The following C17orf99 variants were observed in gnomAD, a reference collection of about 807,000 sequenced individuals.
C17orf99 encodes the protein chromosome 17 open reading frame 99, also known as protein IL-40.
Under a neutral mutation model 22.6 loss-of-function variants are expected in C17orf99, and 18 were observed. That is an observed-to-expected ratio of 0.80 (90% CI 0.55 to 1.18). The LOEUF (loss-of-function observed/expected upper bound fraction) is 1.18. Among genes scored for constraint, C17orf99 ranks in the 50% most tolerant of loss-of-function variants. The pLI, the probability that C17orf99 is intolerant of heterozygous loss-of-function variation, is 0.00. For missense variants in C17orf99, 328 were observed against 342.7 expected (o/e 0.96, Z 0.34); for synonymous variants, 147 against 136.6 (o/e 1.08, Z -0.53).
intron 2 of C17orf99, chr17:78,157,324 T>TCAA (rs1211593747): frequency 3.6e-5 from 21 of 582,260 alleles, no homozygotes; most frequent in East Asian, 1.8e-4. Context: ...AGACCTGTGT[T>TCAA]CAGCAGCGGC....
In C17orf99 at chr17:78,161,177, A is replaced by G; in HGVS notation, c.293A>G (p.Tyr98Cys). 6.4e-7 allele frequency: 1 copy of G among 1,551,636 alleles called. No homozygotes were observed. The highest frequency in any genetic ancestry group is 8.7e-7 in the Non-Finnish European group (1 of 1,146,940). The stretch of plus-strand genomic sequence containing the variant: ...AAGTCCAGTCCAGACCTGCTCACCT[A>G]CTTCTGCTGGGCGTCCTCCACCTCA... ...TLKSSPDLLT[Y>C]FCWASSTSGA... The change falls in exon 3 of 5, where the codon TAC (tyrosine) becomes TGC (cysteine). Residue 98 changes from tyrosine (Y) to cysteine (C), a missense_variant. Tyr to Cys is a radical substitution (Grantham distance 194, BLOSUM62 -2). Transcript: ENST00000340363.
intron 2 of C17orf99, chr17:78,158,453 C>G (rs933978791): frequency 2.5e-5 from 5 of 201,772 alleles, no homozygotes; most frequent in African/African-American, 9.3e-5. Context: ...CACTGCCACG[C>G]CCGGCTAATT....
chr17:78,146,287 TC>T, upstream of C17orf99: 2 of 865,198 alleles, frequency 2.3e-6, no homozygotes, highest in Non-Finnish European at 3.5e-6. The surrounding 1 kb of genome is among the most constrained non-coding windows in gnomAD (Gnocchi z 5.2). Flanking sequence ...TGCTGCGGCC[TC>T]CAGGTTATCT....
At chr17:78,151,812 T>C (rs972866918) in intron 2 of C17orf99, among the ~76,000 whole-genome samples, 3 of 152,182 alleles carry the variant, frequency 2.0e-5, no homozygotes, top group Non-Finnish European at 4.4e-5. Context: ...TTGGAGGACA[T>C]AATTCAACCC....
intron 2 of C17orf99, among the ~76,000 whole-genome samples, chr17:78,156,802 T>A (rs2075528694): frequency 1.3e-5 from 2 of 151,936 alleles, no homozygotes; most frequent in African/African-American, 4.8e-5. Context: ...TTATTTATTT[T>A]TAGAGTAGTT....
chr17:78,164,333 C>T lies in C17orf99; in HGVS notation c.609C>T (p.Val203=), dbSNP rs2075601403. Residue 203 remains valine, a synonymous_variant, in exon 4 of 5, where the codon GTC becomes GTT. Transcript: ENST00000340363. ...GCCAGGCTGCAAACAACGCCAATGT[C>T]CAGCACAGCGCCCTCACAGTGGTGC... ...FWCQAANNAN[V]QHSALTVVPP... 1 of 1,551,570 alleles carries T rather than the reference C, an allele frequency of 6.4e-7. No individual in the cohort carries two copies. The highest frequency in any genetic ancestry group is 8.7e-7 in the Non-Finnish European group (1 of 1,147,002).
intron 2 of C17orf99, among the ~76,000 whole-genome samples, chr17:78,151,700 G>C (rs538553933): frequency 6.6e-6 from 1 of 152,280 alleles, no homozygotes; most frequent in Non-Finnish European, 1.5e-5. Flanking sequence ...AATTACTGGA[G>C]TTAATATTTA....
intron 2 of C17orf99, among the ~76,000 whole-genome samples, chr17:78,160,547 A>AAAAG (rs200813163): frequency 0.16 from 22,482 of 142,734 alleles, 2,198 homozygotes; most frequent in East Asian, 0.43. Context: ...AAAAAAAAAA[A>AAAAG]AGAGAGAGAG....
At chr17:78,157,334 C>CGGT (rs2075534227) in intron 2 of C17orf99, 1 of 650,068 alleles carries the variant, frequency 1.5e-6, no homozygotes. Flanking sequence ...TCAGCAGCGG[C>CGGT]GGCGGCGGCG....
chr17:78,164,129 G>A lies in C17orf99; in HGVS notation c.405G>A (p.Leu135=). 2 of 1,551,726 alleles carry A rather than the reference G, an allele frequency of 1.3e-6. No homozygotes were observed. Among genetic ancestry groups the A allele is most frequent in the Non-Finnish European group, 1.7e-6 (2 of 1,147,012 alleles). Residue 135 remains leucine, a synonymous_variant, in exon 4 of 5, where the codon CTG becomes CTA. Coordinates refer to ENST00000340363, the MANE Select transcript of C17orf99 (RefSeq NM_001163075.2). ...PVSELRANFT[L]QDRGAGPRVE... ...CTGAGCTGCGGGCCAACTTCACTCT[G>A]CAGGACAGAGGGGCAGGCCCCAGGG...
intron 2 of C17orf99, among the ~76,000 whole-genome samples, chr17:78,149,264 G>A (rs778351677): frequency 2.0e-5 from 3 of 149,666 alleles, no homozygotes; most frequent in Non-Finnish European, 4.4e-5. Context: ...CCCGGCAGGC[G>A]GAGGTTGCAG....
At chr17:78,150,309 ATATTTCAAATTTT>A (rs1381753890) in intron 2 of C17orf99, among the ~76,000 whole-genome samples, 1 of 151,968 alleles carries the variant, frequency 6.6e-6, no homozygotes, top group African/African-American at 2.4e-5. Context: ...GCCTGGCCTA[ATATTTCAAATTTT>A]TTTGTAGCAA....
At chr17:78,156,332 GAAAAAAAAAA>G (rs769438256) in intron 2 of C17orf99, among the ~76,000 whole-genome samples, 4 of 63,390 alleles carry the variant, frequency 6.3e-5, no homozygotes, top group Non-Finnish European at 1.3e-4. Flanking sequence ...TCCTTCTCCA[GAAAAAAAAAA>G]AAAAAAAAAA....
At chr17:78,158,074 G>A (rs2075542437) in intron 2 of C17orf99, 1 of 1,161,974 alleles carries the variant, frequency 8.6e-7, no homozygotes, top group Non-Finnish European at 1.3e-6. Flanking sequence ...AGGTGCGAGA[G>A]GACTTTCGTC....
chr17:78,149,707 AT>A (rs1159160050), intron 2 of C17orf99, among the ~76,000 whole-genome samples: 5 of 149,188 alleles, frequency 3.4e-5, no homozygotes, highest in Admixed American at 6.9e-5. Flanking sequence ...CTAATATTTA[AT>A]TTAATTTTTT....
intron 3 of C17orf99, among the ~76,000 whole-genome samples, chr17:78,161,997 T>C (rs931502644): frequency 5.9e-5 from 9 of 152,046 alleles, no homozygotes; most frequent in African/African-American, 2.2e-4. Context: ...CCCCAGGGGC[T>C]GGGTGTGGTG....
chr17:78,166,146 C>A lies in C17orf99; in HGVS notation c.*100C>A. 1 of 280,956 alleles carries A rather than the reference C, an allele frequency of 3.6e-6. No homozygotes were observed. The highest frequency in any genetic ancestry group is 5.4e-5 in the East Asian group (1 of 18,484). 17.4% of individuals were successfully genotyped at this position (280,956 alleles called of 1,614,324 possible). ...ATGCAAAATGAGTGTGTTTTAGCTG[C>A]TCTTGCCACAAAAAAAAAAAAAAAA... On this transcript the variant is annotated 3_prime_UTR_variant, in exon 5 of 5. Transcript: ENST00000340363.
At chr17:78,157,962 G>A in intron 2 of C17orf99, 1 of 1,205,408 alleles carries the variant, frequency 8.3e-7, no homozygotes, top group Non-Finnish European at 1.2e-6. Context: ...GGAGATATCT[G>A]CCTGTCAACT....
intron 2 of C17orf99, among the ~76,000 whole-genome samples, chr17:78,151,414 ACT>A (rs2075481864): frequency 9.1e-6 from 1 of 109,324 alleles, no homozygotes; most frequent in African/African-American, 4.3e-5. Flanking sequence ...ACAGAGCAAG[ACT>A]CTGTCTCAAA....
Sources: gnomAD v4.1 joint callset for allele counts (sites outside exome capture counted in the v4.1 genomes callset) on GRCh38, gnomAD v4.1.1 for gene constraint, Gnocchi (gnomAD v3.1) non-coding constraint, MANE v1.5 for transcripts, NCBI Gene and HGNC (gene_info 2026-07-23, HGNC 2026-07-21) for gene names.